RBFOX1: variants seen among roughly 807,000 people sequenced by gnomAD.
RBFOX1 encodes RNA binding fox-1 homolog 1, also known as RNA binding protein fox-1 homolog 1.
Under a neutral mutation model 57.7 loss-of-function variants are expected in RBFOX1, and 8 were observed. The ratio of observed to expected loss-of-function variants is 0.14; its 90% CI spans 0.08 to 0.25. The LOEUF is 0.25. RBFOX1 is among the 10% of genes least tolerant of loss of function. The probability of loss-of-function intolerance (pLI) is 1.00; values close to 1 mark genes in which losing one functional copy is unlikely to be tolerated. For missense variants in RBFOX1, 611 were observed against 548.5 expected, an observed-to-expected ratio of 1.11 and a Z score of -1.14; for synonymous variants, 326 against 222.4, an observed-to-expected ratio of 1.47 and a Z score of -4.15.
chr16:5,539,881 T>A (rs1364749795), intron 2 of RBFOX1, among the ~76,000 whole-genome samples: 1 of 152,180 alleles, frequency 6.6e-6, no homozygotes, highest in Non-Finnish European at 1.5e-5. Flanking sequence ...ACAAATGAAG[T>A]AGGAATTTAA....
intron 1 of RBFOX1, among the ~76,000 whole-genome samples, chr16:6,157,947 T>C (rs946692788): frequency 3.3e-5 from 5 of 152,180 alleles, no homozygotes; most frequent in Non-Finnish European, 5.9e-5. Flanking sequence ...ATATGTTGAT[T>C]CCTAAACTAA....
chr16:7,709,627 C>T, intron 15 of RBFOX1: 5 of 1,531,302 alleles, frequency 3.3e-6, no homozygotes, highest in Non-Finnish European at 4.4e-6. Flanking sequence ...CATAGTCGCC[C>T]AGGAAAGAAA....
At chr16:7,224,690 G>C (rs2092978953) in intron 4 of RBFOX1, among the ~76,000 whole-genome samples, 1 of 152,154 alleles carries the variant, frequency 6.6e-6, no homozygotes, top group Non-Finnish European at 1.5e-5. Flanking sequence ...GTGATATTTG[G>C]GGAGAGCAAT....
chr16:7,261,102 T>A (rs576960041), intron 4 of RBFOX1, among the ~76,000 whole-genome samples: 2 of 152,218 alleles, frequency 1.3e-5, no homozygotes, highest in East Asian at 3.9e-4. Flanking sequence ...GACAATGGCA[T>A]CAAGTCAGGA....
At chr16:7,416,795 T>G (rs1033672530) in intron 4 of RBFOX1, among the ~76,000 whole-genome samples, 1 of 152,030 alleles carries the variant, frequency 6.6e-6, no homozygotes, top group Non-Finnish European at 1.5e-5. Flanking sequence ...CGATAGTGAG[T>G]AGATATCATG....
chr16:6,914,512 A>T (rs931279194), intron 3 of RBFOX1, among the ~76,000 whole-genome samples: 5 of 152,228 alleles, frequency 3.3e-5, no homozygotes, highest in Middle Eastern at 3.4e-3. Context: ...CACCTTTGAT[A>T]AGTGAGAATC....
At chr16:5,354,944 G>A (rs866620609) in intron 1 of RBFOX1, among the ~76,000 whole-genome samples, 3 of 152,094 alleles carry the variant, frequency 2.0e-5, no homozygotes, top group African/African-American at 7.2e-5. Flanking sequence ...GGTGGTTAAG[G>A]GTCCCGTGGC....
chr16:7,689,080 A>G (rs76400250), intron 14 of RBFOX1, among the ~76,000 whole-genome samples: 3,822 of 152,180 alleles, frequency 0.025, 71 homozygotes, highest in Non-Finnish European at 0.033. Flanking sequence ...CATCTACAAG[A>G]CGAGGATAAA....
intron 4 of RBFOX1, among the ~76,000 whole-genome samples, chr16:5,898,591 C>G (rs182218622): frequency 6.6e-6 from 1 of 150,508 alleles, no homozygotes; most frequent in Admixed American, 6.6e-5. Flanking sequence ...AGCATAGATT[C>G]TATTGTCAAG....
At chr16:5,708,256 C>G (rs1347866167) in intron 3 of RBFOX1, among the ~76,000 whole-genome samples, 4 of 152,058 alleles carry the variant, frequency 2.6e-5, no homozygotes, top group Non-Finnish European at 5.9e-5. Context: ...TTTGCTTATT[C>G]ATTTGGTAAA....
In RBFOX1 at chr16:7,017,275, T is replaced by C. The variant is rs144812639; in HGVS notation, c.-15-34782T>C. Among the ~76,000 whole-genome samples, 566 of 152,254 alleles carry C rather than the reference T, an allele frequency of 3.7e-3. 3 individuals carry two copies. The highest frequency in any genetic ancestry group is 6.8e-3 in the Non-Finnish European group (465 of 68,032). ...CGGCTGTGCTCTGCCAAGGCCCAAG[T>C]ATAGAATGATGGCAAATAATGGAAA... is the stretch of plus-strand genomic sequence containing the variant. On this transcript the variant is annotated intron_variant, in intron 3 of 15. Transcript: ENST00000550418.
chr16:5,492,750 C>T (rs1182171238), intron 2 of RBFOX1, among the ~76,000 whole-genome samples: 4 of 152,168 alleles, frequency 2.6e-5, no homozygotes, highest in Non-Finnish European at 5.9e-5. Context: ...TTCATCATTA[C>T]CAAATTCTGT....
At chr16:7,084,888 A>G (rs560038096) in intron 4 of RBFOX1, among the ~76,000 whole-genome samples, 1 of 151,748 alleles carries the variant, frequency 6.6e-6, no homozygotes, top group African/African-American at 2.4e-5. Flanking sequence ...TCTATCTTCT[A>G]TCCGTTTGTC....
chr16:5,820,411 C>A (rs548071790), intron 3 of RBFOX1, among the ~76,000 whole-genome samples: 2 of 152,072 alleles, frequency 1.3e-5, no homozygotes, highest in Non-Finnish European at 2.9e-5. Flanking sequence ...GAGGAAGGAC[C>A]ATCCCGGTGA....
chr16:6,674,601 C>G (rs151000648), intron 3 of RBFOX1, among the ~76,000 whole-genome samples: 4,220 of 152,146 alleles, frequency 0.028, 201 homozygotes, highest in African/African-American at 0.096. Flanking sequence ...GAATTACAGG[C>G]GTGAGCCACC....
intron 4 of RBFOX1, among the ~76,000 whole-genome samples, chr16:7,382,804 G>T (rs915590386): frequency 6.6e-6 from 1 of 152,180 alleles, no homozygotes; most frequent in Non-Finnish European, 1.5e-5. Context: ...AAGCCAAGAG[G>T]AATAATGCCT....
chr16:5,321,988 A>C (rs1292807418), intron 1 of RBFOX1, among the ~76,000 whole-genome samples: 1 of 152,120 alleles, frequency 6.6e-6, no homozygotes, highest in Non-Finnish European at 1.5e-5. Context: ...CTTCAGATCT[A>C]ACCATCTGTG....
intron 3 of RBFOX1, among the ~76,000 whole-genome samples, chr16:5,761,682 C>A (rs1409098069): frequency 1.3e-5 from 2 of 152,156 alleles, no homozygotes; most frequent in Non-Finnish European, 2.9e-5. Context: ...CGGGTCCTTT[C>A]CAGCACACAT....
rs192622525 is a variant in RBFOX1 at position 7,495,930 on chromosome 16, A to G, written c.28-22217A>G. ...TTTTTTTGAAAATCAGCAGAATTTC[A>G]TTGAAGTTCCTCATTTAAATTTATG... On this transcript the variant is annotated intron_variant, in intron 4 of 15. Transcript: ENST00000550418. Among the ~76,000 whole-genome samples the G allele has an allele frequency of 1.4e-4, 21 of 152,222 alleles. No individual in the cohort carries two copies. In the East Asian group the frequency reaches 3.9e-3, roughly 28 times the overall value.
Sources: gnomAD v4.1 joint callset for allele counts (sites outside exome capture counted in the v4.1 genomes callset) on GRCh38, gnomAD v4.1.1 for gene constraint, MANE v1.5 for transcripts, NCBI Gene and HGNC (gene_info 2026-07-23, HGNC 2026-07-21) for gene names.